FGF13: variants seen among roughly 807,000 people sequenced by gnomAD.
FGF13 encodes fibroblast growth factor 13.
FGF13 carries 2 observed loss-of-function variants against 19.5 expected under a neutral mutation model. The observed-to-expected ratio is 0.10, with a 90% CI of 0.04 to 0.32. FGF13 has a LOEUF of 0.32. FGF13 is among the 10% of genes least tolerant of loss of function. The probability of loss-of-function intolerance (pLI) is 1.00; values close to 1 mark genes in which losing one functional copy is unlikely to be tolerated. For synonymous variants in FGF13, 72 were observed against 76.9 expected, an observed-to-expected ratio of 0.94 and a Z score of 0.33; for missense variants, 113 against 192.7, an observed-to-expected ratio of 0.59 and a Z score of 2.45.
chrX:139,088,903 A>G (rs899005418), intron 1 of FGF13, among the ~76,000 whole-genome samples: 14 of 111,471 alleles, frequency 1.3e-4, no homozygotes, highest in African/African-American at 4.3e-4. Flanking sequence ...GCCACAGAGA[A>G]CTCCCTCAAT....
intron 3 of FGF13, among the ~76,000 whole-genome samples, chrX:138,687,455 C>T (rs1459953749): frequency 2.7e-5 from 3 of 111,921 alleles, no homozygotes; most frequent in Admixed American, 1.9e-4. Flanking sequence ...AATGAGATAG[C>T]ATCTCAACTC....
At chrX:139,071,911 G>A (rs1403626974) in intron 1 of FGF13, among the ~76,000 whole-genome samples, 1 of 103,833 alleles carries the variant, frequency 9.6e-6, no homozygotes, top group Non-Finnish European at 1.9e-5. Context: ...AGCTACTCGG[G>A]AGGCTGAGGC....
intron 3 of FGF13, among the ~76,000 whole-genome samples, chrX:138,841,549 G>C (rs1284443488): frequency 9.1e-6 from 1 of 110,038 alleles, no homozygotes; most frequent in African/African-American, 3.3e-5. Flanking sequence ...TAAGGATATG[G>C]AGACTCAAGG....
At chrX:138,745,778 C>A (rs190370426) in intron 3 of FGF13, among the ~76,000 whole-genome samples, 2 of 111,637 alleles carry the variant, frequency 1.8e-5, no homozygotes, top group East Asian at 2.8e-4. Context: ...GTTTGAGACA[C>A]GAGAATAAAT....
intron 1 of FGF13, among the ~76,000 whole-genome samples, chrX:138,979,443 G>T (rs1196259012): frequency 6.4e-5 from 7 of 109,469 alleles, no homozygotes; most frequent in Non-Finnish European, 1.3e-4. Flanking sequence ...AAGTTTTAGG[G>T]TACATGTAAA....
At chrX:138,680,742 T>C (rs966276745) in intron 3 of FGF13, among the ~76,000 whole-genome samples, 1 of 111,467 alleles carries the variant, frequency 9.0e-6, no homozygotes, top group Non-Finnish European at 1.9e-5. Context: ...AAATGAGCAT[T>C]GGCTGCAGCT....
At chrX:139,013,513 ATATATATATATATATAT>A (rs2124376330) in intron 1 of FGF13, among the ~76,000 whole-genome samples, 1 of 72,256 alleles carries the variant, frequency 1.4e-5, no homozygotes, top group African/African-American at 4.9e-5. Flanking sequence ...ATATATATAT[ATATATATATATATATAT>A]AAAATGAAAT....
intron 3 of FGF13, among the ~76,000 whole-genome samples, chrX:138,844,748 C>A (rs1486960065): frequency 9.1e-6 from 1 of 110,355 alleles, no homozygotes; most frequent in Admixed American, 9.7e-5. Context: ...ATGCCCCAGG[C>A]CTTGCTTCTC....
At chrX:139,185,196 T>A (rs1280116561) in intron 1 of FGF13, among the ~76,000 whole-genome samples, 3 of 112,235 alleles carry the variant, frequency 2.7e-5, no homozygotes, top group South Asian at 3.7e-4. Context: ...AGGAAAATTT[T>A]AAAATATTTT....
At chrX:138,960,938 T>C (rs2124302968) in intron 1 of FGF13, among the ~76,000 whole-genome samples, 1 of 111,724 alleles carries the variant, frequency 9.0e-6, no homozygotes, top group African/African-American at 3.2e-5. Flanking sequence ...TTTAGCTTCC[T>C]GGCGATGAGT....
At chrX:138,690,041 C>A (rs952248386) in intron 3 of FGF13, among the ~76,000 whole-genome samples, 1 of 111,595 alleles carries the variant, frequency 9.0e-6, no homozygotes, top group Non-Finnish European at 1.9e-5. Context: ...GGTCGCTTCC[C>A]TTACTGGTAA....
chrX:138,724,892 A>G (rs181525645), intron 1 of FGF13, among the ~76,000 whole-genome samples: 89 of 112,173 alleles, frequency 7.9e-4, no homozygotes, highest in African/African-American at 2.7e-3. Flanking sequence ...TTGATTTCTT[A>G]GTTTTGACAG....
chrX:138,696,383 T>TA (rs1482821509), intron 3 of FGF13, among the ~76,000 whole-genome samples: 1 of 112,075 alleles, frequency 8.9e-6, no homozygotes, highest in Non-Finnish European at 1.9e-5. Flanking sequence ...TTTAGCGTGA[T>TA]AAAAGTATTC....
chrX:138,863,838 G>C (rs976606237), intron 2 of FGF13, among the ~76,000 whole-genome samples: 3 of 112,275 alleles, frequency 2.7e-5, no homozygotes, highest in Non-Finnish European at 5.6e-5. Flanking sequence ...GATGCTTTCT[G>C]TGTAACCTTT....
At chrX:138,798,575 CT>C (rs1458504406) in intron 3 of FGF13, among the ~76,000 whole-genome samples, 1 of 111,745 alleles carries the variant, frequency 8.9e-6, no homozygotes, top group Non-Finnish European at 1.9e-5. Flanking sequence ...GGATGCTGGC[CT>C]CATAAAATGA....
At chrX:138,682,558 A>G (rs762182072) in intron 3 of FGF13, among the ~76,000 whole-genome samples, 8 of 112,275 alleles carry the variant, frequency 7.1e-5, no homozygotes, top group African/African-American at 2.6e-4. Flanking sequence ...ATGTGAATAA[A>G]TGTGAGTAAT....
intron 3 of FGF13, among the ~76,000 whole-genome samples, chrX:138,833,641 G>A (rs2091090375): frequency 9.0e-6 from 1 of 111,533 alleles, no homozygotes; most frequent in Non-Finnish European, 1.9e-5. Flanking sequence ...ATGTGGAGGT[G>A]CTTTATTTTT....
chrX:138,905,530 A>T (rs2091553110), intron 1 of FGF13, among the ~76,000 whole-genome samples: 1 of 111,881 alleles, frequency 8.9e-6, no homozygotes, highest in Non-Finnish European at 1.9e-5. Context: ...TTTTGGATGC[A>T]CGTATAAATG....
At chrX:139,150,854 T>C (rs1054151343) in intron 1 of FGF13, among the ~76,000 whole-genome samples, 2 of 111,734 alleles carry the variant, frequency 1.8e-5, no homozygotes, top group Admixed American at 1.9e-4. Flanking sequence ...TCCATTACTG[T>C]AGTAACCTCA....
Sources: allele counts gnomAD v4.1 joint callset (sites outside exome capture counted in the v4.1 genomes callset), GRCh38; gene constraint gnomAD v4.1.1; transcripts MANE v1.5; gene names NCBI Gene and HGNC (gene_info 2026-07-23, HGNC 2026-07-21).